The following AK8 variants were observed in gnomAD, a reference collection of about 807,000 sequenced individuals.
The protein encoded by AK8 is ATP-AMP transphosphorylase 8.
Under a neutral mutation model 54.6 loss-of-function variants are expected in AK8, and 44 were observed. The observed-to-expected ratio is 0.81, with a 90% CI of 0.63 to 1.04. AK8 has a LOEUF of 1.04. AK8 is among the 50% of genes least tolerant of loss of function. AK8 has a pLI of 0.00. For missense variants in AK8, 555 were observed against 613.6 expected, an observed-to-expected ratio of 0.90 and a Z score of 1.01; for synonymous variants, 239 against 245.6, an observed-to-expected ratio of 0.97 and a Z score of 0.25.
chr9:132,832,539 G>A (rs573634748), intron 5 of AK8, among the ~76,000 whole-genome samples: 12 of 152,222 alleles, frequency 7.9e-5, no homozygotes, highest in Non-Finnish European at 1.6e-4. Flanking sequence ...TGAGCCCATT[G>A]ATTGCTGCTT....
intron 9 of AK8, 118 bp downstream of exon 9, chr9:132,823,087 A>G: frequency 7.3e-7 from 1 of 1,363,036 alleles, no homozygotes; most frequent in Non-Finnish European, 9.7e-7. Flanking sequence ...CCAGAAAGAG[A>G]AGTGATACTG....
In AK8 at chr9:132,725,782, G is replaced by A. The variant is rs139142699; in HGVS notation, c.1346C>T (p.Ser449Leu). The A allele has an allele frequency of 1.1e-5, 18 of 1,602,150 alleles. No homozygotes were observed. Among genetic ancestry groups the A allele is most frequent in the African/African-American group, 2.7e-5 (2 of 74,940 alleles). ...CTGGTCCCCATTGAGGGTGATGGCC[G>A]ACCCATACAACTGCTCCAAGTCAGC... ...NSADLEQLYG[S>L]AITLNGDQDP... The change falls in exon 13 of 13, where the codon TCG (serine) becomes TTG (leucine). Residue 449 changes from serine to leucine, a missense_variant. By Grantham distance (145) the Ser-to-Leu change is moderately radical. Transcript: ENST00000298545.
intron 9 of AK8, among the ~76,000 whole-genome samples, chr9:132,819,222 A>G (rs1841470247): frequency 6.6e-6 from 1 of 152,220 alleles, no homozygotes; most frequent in African/African-American, 2.4e-5. Flanking sequence ...CCTTGTCAGT[A>G]TTCCCTAAAC....
chr9:132,804,606 T>G (rs1840629962), intron 10 of AK8, among the ~76,000 whole-genome samples: 1 of 151,902 alleles, frequency 6.6e-6, no homozygotes, highest in African/African-American at 2.4e-5. Context: ...TGTCAGGAAG[T>G]CTCTTCCCTC....
chr9:132,740,503 T>C (rs1837319820), intron 11 of AK8, among the ~76,000 whole-genome samples: 1 of 152,044 alleles, frequency 6.6e-6, no homozygotes, highest in Non-Finnish European at 1.5e-5. Flanking sequence ...GTGGGCTGAG[T>C]TACTTGCTTT....
At chr9:132,878,646 A>C, upstream of AK8, 1 of 1,020,196 alleles carries the variant, frequency 9.8e-7, no homozygotes, top group Non-Finnish European at 1.2e-6. This position sits in a 1 kb window ranked among gnomAD's most constrained non-coding sequence, Gnocchi z 4.7. Flanking sequence ...GCCTCAGTTT[A>C]CCCATCTTTA....
At chr9:132,804,646 C>T (rs577861382) in intron 10 of AK8, among the ~76,000 whole-genome samples, 1 of 152,286 alleles carries the variant, frequency 6.6e-6, no homozygotes, top group Non-Finnish European at 1.5e-5. Flanking sequence ...CCCTCTGCTC[C>T]CATCTTGCTT....
At chr9:132,861,611 G>A (rs1843392629) in intron 4 of AK8, 1 of 152,248 alleles carries the variant, frequency 6.6e-6, no homozygotes, top group African/African-American at 2.4e-5. Context: ...AGATGGAGAT[G>A]TCTTGGTTAA....
chr9:132,781,260 G>T lies in AK8; in HGVS notation c.1121+11374C>A, dbSNP rs1243908601. 1.3e-5 allele frequency among the ~76,000 whole-genome samples: 2 copies of T among 150,014 alleles called. No homozygotes were observed. The highest frequency in any genetic ancestry group is 4.9e-5 in the African/African-American group (2 of 40,552). On this transcript the variant is annotated intron_variant, in intron 11 of 12. Coordinates refer to ENST00000298545, the MANE Select transcript of AK8 (RefSeq NM_152572.3). This position sits in a 1 kb window ranked among gnomAD's most constrained non-coding sequence, Gnocchi z 4.6. Reference sequence around the variant, plus strand: ...GAAATAACTTTTTTTCCTTCTTTTCGACAGATCAATTACTTGGTTTGTTTC... The same window carrying T: ...GAAATAACTTTTTTTCCTTCTTTTCTACAGATCAATTACTTGGTTTGTTTC...
At chr9:132,815,122 C>T (rs1007625223) in intron 9 of AK8, among the ~76,000 whole-genome samples, 20 of 152,298 alleles carry the variant, frequency 1.3e-4, no homozygotes, top group South Asian at 8.3e-4. Flanking sequence ...CATCTCTGGG[C>T]GATGTGCCTC....
At chr9:132,731,996 A>C (rs967356092) in intron 11 of AK8, among the ~76,000 whole-genome samples, 2 of 152,162 alleles carry the variant, frequency 1.3e-5, no homozygotes, top group African/African-American at 4.8e-5. Context: ...TTTTTAACCT[A>C]TTTCTTTATG....
Position 132,799,460 on chromosome 9 carries a change from T to G in AK8, c.980-6685A>C, listed in dbSNP as rs2131194132. 6.6e-6 allele frequency among the ~76,000 whole-genome samples: 1 copy of G among 152,038 alleles called. No homozygotes were observed. Among genetic ancestry groups the G allele is most frequent in the Middle Eastern group, 3.4e-3 (1 of 294 alleles). ...TCCCCACACACCCTTGCACATGCCC[T>G]GCACACGTCACCCCTCCATGCACAC... On this transcript the variant is annotated intron_variant, in intron 10 of 12. Coordinates refer to ENST00000298545, the MANE Select transcript of AK8 (RefSeq NM_152572.3). This position sits in a 1 kb window ranked among gnomAD's most constrained non-coding sequence, Gnocchi z 5.0.
intron 2 of AK8, among the ~76,000 whole-genome samples, chr9:132,873,448 G>A (rs1843945808): frequency 6.6e-6 from 1 of 151,682 alleles, no homozygotes; most frequent in Non-Finnish European, 1.5e-5. Flanking sequence ...TGGGGGGGTG[G>A]CAGGACAGAG....
chr9:132,816,822 G>C (rs886955494), intron 9 of AK8, among the ~76,000 whole-genome samples: 5 of 152,244 alleles, frequency 3.3e-5, no homozygotes, highest in African/African-American at 1.2e-4. Context: ...GAGAAGTGGA[G>C]CCCAAACAGA....
chr9:132,820,737 T>A (rs1293730609), intron 9 of AK8, among the ~76,000 whole-genome samples: 1 of 152,188 alleles, frequency 6.6e-6, no homozygotes, highest in Non-Finnish European at 1.5e-5. Flanking sequence ...GCTGTCTGTT[T>A]TTTTGTTGGT....
At chr9:132,782,976 C>T (rs963026021) in intron 11 of AK8, among the ~76,000 whole-genome samples, 1 of 152,176 alleles carries the variant, frequency 6.6e-6, no homozygotes, top group Non-Finnish European at 1.5e-5. Context: ...TTGGGAAAGG[C>T]AGAATAATGC....
At chr9:132,804,366 G>A (rs1344358535) in intron 10 of AK8, among the ~76,000 whole-genome samples, 1 of 152,122 alleles carries the variant, frequency 6.6e-6, no homozygotes, top group African/African-American at 2.4e-5. Context: ...CAGAAACAGG[G>A]GGATCCTGGG....
chr9:132,794,012 A>T (rs780945841), intron 10 of AK8, among the ~76,000 whole-genome samples: 3 of 152,238 alleles, frequency 2.0e-5, no homozygotes, highest in Admixed American at 1.3e-4. Flanking sequence ...TGGAAGCAAG[A>T]GATGCAGAAA....
chr9:132,785,084 G>T (rs998211080), intron 11 of AK8, among the ~76,000 whole-genome samples: 2 of 151,704 alleles, frequency 1.3e-5, no homozygotes, highest in Non-Finnish European at 2.9e-5. Context: ...GGGATGAGGA[G>T]GCAGTACATG....
Sources: allele counts gnomAD v4.1 joint callset (sites outside exome capture counted in the v4.1 genomes callset), GRCh38; gene constraint gnomAD v4.1.1; non-coding constraint Gnocchi (gnomAD v3.1); transcripts MANE v1.5; gene names NCBI Gene and HGNC (gene_info 2026-07-23, HGNC 2026-07-21).